Variants in AVEN observed in about 807,000 individuals in gnomAD.
AVEN encodes apoptosis and caspase activation inhibitor, also known as cell death regulator Aven.
AVEN carries 41 observed loss-of-function variants against 38.1 expected under a neutral mutation model. That is an observed-to-expected ratio of 1.08 (90% CI 0.84 to 1.40). The LOEUF (loss-of-function observed/expected upper bound fraction) is 1.40. Among genes scored for constraint, AVEN ranks in the 40% most tolerant of loss-of-function variants. AVEN has a pLI of 0.00. For synonymous variants in AVEN, 206 were observed against 171.8 expected, an observed-to-expected ratio of 1.20 and a Z score of -1.56; for missense variants, 605 against 438.8, an observed-to-expected ratio of 1.38 and a Z score of -3.38.
downstream of AVEN, among the ~76,000 whole-genome samples, chr15:33,861,951 C>T (rs528773266): frequency 1.3e-5 from 2 of 152,122 alleles, no homozygotes; most frequent in South Asian, 4.2e-4. Flanking sequence ...GTACCTAGAA[C>T]AATGCCTGGC....
chr15:34,015,613 A>G (rs1177132639), intron 1 of AVEN, among the ~76,000 whole-genome samples: 1 of 152,238 alleles, frequency 6.6e-6, no homozygotes, highest in Non-Finnish European at 1.5e-5. Flanking sequence ...TTAGGAGCTA[A>G]GAATAAAAAA....
At chr15:33,880,050 A>G (rs557156760) in intron 2 of AVEN, among the ~76,000 whole-genome samples, 50 of 152,324 alleles carry the variant, frequency 3.3e-4, no homozygotes, top group African/African-American at 1.1e-3. Context: ...GATTTTGGTA[A>G]GTTATGTATT....
At chr15:33,933,491 T>TCTCACACACACACACA (rs1381027093) in intron 2 of AVEN, among the ~76,000 whole-genome samples, 1 of 68,270 alleles carries the variant, frequency 1.5e-5, no homozygotes, top group South Asian at 7.0e-4. Context: ...CCTCCAACAA[T>TCTCACACACACACACA]CACACACACA....
At chr15:33,911,548 T>A (rs1892919542) in intron 2 of AVEN, among the ~76,000 whole-genome samples, 1 of 152,156 alleles carries the variant, frequency 6.6e-6, no homozygotes. Context: ...AATTGGGAAA[T>A]AACTCTTCGT....
intron 3 of AVEN, 115 bp from the exon 4 acceptor site, chr15:33,871,145 C>T: frequency 1.8e-6 from 1 of 546,646 alleles, no homozygotes; most frequent in Non-Finnish European, 2.9e-6. Flanking sequence ...GAATAAGTCA[C>T]ACCATACATC....
chr15:33,975,107 T>G (rs1341609035), intron 2 of AVEN, among the ~76,000 whole-genome samples: 2 of 152,210 alleles, frequency 1.3e-5, no homozygotes, highest in Admixed American at 1.3e-4. Flanking sequence ...CCTGGTTGGG[T>G]TGAGACAGAA....
At chr15:33,886,397 G>A (rs1447035397) in intron 2 of AVEN, among the ~76,000 whole-genome samples, 3 of 152,202 alleles carry the variant, frequency 2.0e-5, no homozygotes, top group Non-Finnish European at 4.4e-5. Context: ...CCGCCTCCCA[G>A]GTTCAAGTGA....
chr15:33,933,516 CACACACACAGAGAGAG>C (rs1567420608), intron 2 of AVEN, among the ~76,000 whole-genome samples: 9 of 120,130 alleles, frequency 7.5e-5, no homozygotes, highest in East Asian at 2.3e-4. Flanking sequence ...CACACACACA[CACACACACAGAGAGAG>C]AGAGAGAGAG....
chr15:34,025,287 C>G (rs1235546498), intron 1 of AVEN, among the ~76,000 whole-genome samples: 2 of 152,148 alleles, frequency 1.3e-5, no homozygotes, highest in Non-Finnish European at 2.9e-5. Context: ...GAAACCAACT[C>G]TGGCTAATTT....
intron 2 of AVEN, among the ~76,000 whole-genome samples, chr15:33,879,900 G>T (rs1471706171): frequency 6.6e-6 from 1 of 151,948 alleles, no homozygotes; most frequent in African/African-American, 2.4e-5. Flanking sequence ...ACTATTCAGA[G>T]AAAAATTAAT....
intron 2 of AVEN, among the ~76,000 whole-genome samples, chr15:33,899,936 GTT>G (rs61609189): frequency 6.2e-5 from 9 of 145,338 alleles, no homozygotes; most frequent in African/African-American, 1.7e-4. Flanking sequence ...TCACAGTTCA[GTT>G]TTTTTTTTTT....
intron 2 of AVEN, among the ~76,000 whole-genome samples, chr15:33,903,153 C>A (rs756027294): frequency 1.2e-4 from 18 of 152,210 alleles, no homozygotes; most frequent in Admixed American, 2.6e-4. Flanking sequence ...TAAATACTCA[C>A]CCGCAGTATT....
intron 2 of AVEN, among the ~76,000 whole-genome samples, chr15:33,990,077 G>A (rs1039890363): frequency 3.3e-5 from 5 of 151,872 alleles, no homozygotes; most frequent in African/African-American, 4.8e-5. Flanking sequence ...GGTGGTGGGC[G>A]CCTATAATCC....
At position 33,875,929 on chromosome 15, in the gene AVEN, T is replaced by A. The variant is rs146625663; in HGVS notation, c.512A>T (p.Lys171Ile). 2.1e-3 allele frequency: 3,335 copies of A among 1,613,542 alleles called. 29 individuals carry two copies. Among genetic ancestry groups the A allele is most frequent in the South Asian group, 0.012 (1,117 of 91,060 alleles). Reference protein sequence around the residue: ...KEWDSEASCPKQNSAFYVDSE... With the variant: ...KEWDSEASCPIQNSAFYVDSE... ...TTAACACAACTCTTATCTTACCTGT[T>A]TTGGACAAGAAGCTTCACTATCCCA... Residue 171 changes from lysine to isoleucine, a missense_variant, in exon 3 of 6, where the codon AAA becomes ATA. By Grantham distance (102) the Lys-to-Ile change is moderately radical. Transcript: ENST00000306730.
intron 2 of AVEN, among the ~76,000 whole-genome samples, chr15:33,894,199 T>C (rs925786138): frequency 6.6e-6 from 1 of 151,906 alleles, no homozygotes; most frequent in Non-Finnish European, 1.5e-5. Context: ...ATCTGCCCAC[T>C]TCGGACTCCT....
At chr15:33,901,538 A>C (rs1892498721) in intron 2 of AVEN, among the ~76,000 whole-genome samples, 1 of 152,352 alleles carries the variant, frequency 6.6e-6, no homozygotes, top group Admixed American at 6.5e-5. Flanking sequence ...TCCAGAAGAA[A>C]GATTACTAGG....
upstream of AVEN, among the ~76,000 whole-genome samples, chr15:34,039,467 A>T (rs1899369823): frequency 6.6e-6 from 1 of 152,268 alleles, no homozygotes. Flanking sequence ...ACAAATACAT[A>T]CTAAAATGTT....
intron 2 of AVEN, among the ~76,000 whole-genome samples, chr15:33,912,950 C>T (rs1269463603): frequency 6.7e-6 from 1 of 150,334 alleles, no homozygotes; most frequent in East Asian, 1.9e-4. Flanking sequence ...AGTGCAATGG[C>T]GCGATCTCGG....
chr15:33,883,429 G>C (rs768427210), intron 2 of AVEN, among the ~76,000 whole-genome samples: 3 of 151,900 alleles, frequency 2.0e-5, no homozygotes, highest in Admixed American at 6.6e-5. Flanking sequence ...TGATCATTTG[G>C]CCAAAATGTG....
Sources: gnomAD v4.1 joint callset for allele counts (sites outside exome capture counted in the v4.1 genomes callset) on GRCh38, gnomAD v4.1.1 for gene constraint, MANE v1.5 for transcripts, NCBI Gene and HGNC (gene_info 2026-07-23, HGNC 2026-07-21) for gene names.